PARP8: variants seen among roughly 807,000 people sequenced by gnomAD.
The protein encoded by PARP8 is protein mono-ADP-ribosyltransferase PARP8.
Under a neutral mutation model 124.1 loss-of-function variants are expected in PARP8, and 51 were observed. That is an observed-to-expected ratio of 0.41 (90% CI 0.33 to 0.52). The LOEUF is 0.52. PARP8 is among the 20% of genes least tolerant of loss of function. PARP8 has a pLI of 0.21. For missense variants in PARP8, 860 were observed against 1,018.9 expected (o/e 0.84, Z 2.12); for synonymous variants, 391 against 361.5 (o/e 1.08, Z -0.93).
At chr5:50,825,002 TGAA>T in intron 18 of PARP8, 27 bp downstream of exon 18, 1 of 1,548,972 alleles carries the variant, frequency 6.5e-7, no homozygotes, top group South Asian at 1.1e-5. Context: ...TTCCTCTTAA[TGAA>T]AACAGCATCC....
intron 25 of PARP8, 43 bp from the exon 26 acceptor site, chr5:50,841,923 C>T (rs1748226385): frequency 1.4e-6 from 2 of 1,384,538 alleles, no homozygotes; most frequent in Admixed American, 1.9e-5. Flanking sequence ...TAAATGCTGC[C>T]ATCTTTTAAA....
At chr5:50,748,103 G>A (rs946074095) in intron 2 of PARP8, among the ~76,000 whole-genome samples, 1 of 151,396 alleles carries the variant, frequency 6.6e-6, no homozygotes, top group East Asian at 1.9e-4. Flanking sequence ...TCTGTTTTTT[G>A]TTCCTCCTTT....
At chr5:50,741,669 A>G (rs535317761) in intron 2 of PARP8, among the ~76,000 whole-genome samples, 1 of 152,334 alleles carries the variant, frequency 6.6e-6, no homozygotes, top group African/African-American at 2.4e-5. Flanking sequence ...AAAATTACCA[A>G]AATAAGTTTT....
chr5:50,752,962 T>C (rs567718273), intron 3 of PARP8, among the ~76,000 whole-genome samples: 6 of 152,110 alleles, frequency 3.9e-5, no homozygotes, highest in Non-Finnish European at 8.8e-5. Context: ...TATTTCATAC[T>C]TTTAGTGAAA....
chr5:50,675,131 C>A (rs1750464532), intron 2 of PARP8, among the ~76,000 whole-genome samples: 1 of 152,104 alleles, frequency 6.6e-6, no homozygotes, highest in South Asian at 2.1e-4. Flanking sequence ...TCTATTGAAA[C>A]CTTTGTGCAG....
intron 2 of PARP8, among the ~76,000 whole-genome samples, chr5:50,670,056 A>G (rs1442881950): frequency 1.3e-5 from 2 of 152,232 alleles, no homozygotes; most frequent in Non-Finnish European, 2.9e-5. Flanking sequence ...ATTTGTACCT[A>G]ATGGCGAATA....
At chr5:50,675,262 C>T (rs202188702) in intron 2 of PARP8, among the ~76,000 whole-genome samples, 50 of 152,160 alleles carry the variant, frequency 3.3e-4, no homozygotes, top group Non-Finnish European at 6.0e-4. Context: ...TGTCAACTAA[C>T]TCTGAAGTGC....
chr5:50,816,946 T>A (rs945436418), intron 15 of PARP8, among the ~76,000 whole-genome samples: 4 of 152,152 alleles, frequency 2.6e-5, no homozygotes, highest in African/African-American at 4.8e-5. Flanking sequence ...GTAAAAATAA[T>A]TAAAACCTTA....
intron 2 of PARP8, among the ~76,000 whole-genome samples, chr5:50,694,321 A>G (rs1039557248): frequency 2.0e-5 from 3 of 152,204 alleles, no homozygotes; most frequent in Non-Finnish European, 4.4e-5. Flanking sequence ...TGTCAGTTCC[A>G]TAGTCACAAA....
At chr5:50,783,960 G>A (rs1344517314) in intron 9 of PARP8, among the ~76,000 whole-genome samples, 1 of 152,034 alleles carries the variant, frequency 6.6e-6, no homozygotes, top group East Asian at 1.9e-4. Context: ...TCATGCAAAA[G>A]TCTTTTACAG....
intron 9 of PARP8, among the ~76,000 whole-genome samples, chr5:50,780,312 T>C (rs540248833): frequency 6.6e-6 from 1 of 152,294 alleles, no homozygotes; most frequent in South Asian, 2.1e-4. Context: ...ATTTGAAATA[T>C]ACTAATTTGA....
chr5:50,696,855 CCCTCAGGACTTAACCTT>C (rs1280291969), intron 2 of PARP8, among the ~76,000 whole-genome samples: 2 of 152,094 alleles, frequency 1.3e-5, no homozygotes, highest in Non-Finnish European at 2.9e-5. Flanking sequence ...TGCCGTCAGC[CCCTCAGGACTTAACCTT>C]CCTCTGTAAC....
At chr5:50,726,498 CACTA>C (rs1465003064) in intron 2 of PARP8, among the ~76,000 whole-genome samples, 2 of 152,140 alleles carry the variant, frequency 1.3e-5, no homozygotes, top group Non-Finnish European at 2.9e-5. Context: ...TGATTAGCAT[CACTA>C]ACCACTGTAA....
intron 2 of PARP8, among the ~76,000 whole-genome samples, chr5:50,705,009 C>G (rs1474509196): frequency 1.3e-5 from 2 of 152,134 alleles, no homozygotes; most frequent in Non-Finnish European, 2.9e-5. Flanking sequence ...GCATGTGGGA[C>G]AAATATGACA....
At chr5:50,761,755 A>G in intron 5 of PARP8, 66 bp from the exon 6 acceptor site, 1 of 1,039,268 alleles carries the variant, frequency 9.6e-7, no homozygotes, top group East Asian at 2.6e-5. Context: ...TATTATAGTC[A>G]CTTGCTATTT....
intron 24 of PARP8, 75 bp from the exon 25 acceptor site, chr5:50,834,856 A>G (rs772719334): frequency 1.1e-5 from 14 of 1,234,230 alleles, no homozygotes; most frequent in Non-Finnish European, 1.5e-5. Flanking sequence ...CAACGAGAAG[A>G]GATATATTAA....
At chr5:50,716,273 A>G (rs1755307919) in intron 2 of PARP8, among the ~76,000 whole-genome samples, 1 of 152,128 alleles carries the variant, frequency 6.6e-6, no homozygotes, top group Admixed American at 6.6e-5. Flanking sequence ...TATACGATAT[A>G]GGGTAGTTCT....
chr5:50,764,844 T>C (rs1259448431), intron 7 of PARP8, among the ~76,000 whole-genome samples: 3 of 151,998 alleles, frequency 2.0e-5, no homozygotes, highest in African/African-American at 4.8e-5. Flanking sequence ...AATTGAACTT[T>C]GCTTGAAAGC....
intron 2 of PARP8, among the ~76,000 whole-genome samples, chr5:50,703,264 C>T (rs569420983): frequency 6.7e-6 from 1 of 149,956 alleles, no homozygotes; most frequent in African/African-American, 2.5e-5. Flanking sequence ...CACACCACTG[C>T]ACTCCAGCCT....
Sources: allele counts gnomAD v4.1 joint callset (sites outside exome capture counted in the v4.1 genomes callset), GRCh38; gene constraint gnomAD v4.1.1; transcripts MANE v1.5; gene names NCBI Gene and HGNC (gene_info 2026-07-23, HGNC 2026-07-21).